The following LEPR variants were observed in gnomAD, a reference collection of about 807,000 sequenced individuals.
LEPR encodes OB receptor.
In LEPR, 56 loss-of-function variants were observed where a neutral mutation model predicts 114.7. The ratio of observed to expected loss-of-function variants is 0.49; its 90% CI spans 0.39 to 0.61. The LOEUF (loss-of-function observed/expected upper bound fraction) is 0.61, where lower values mean the gene tolerates loss of function less well. Among genes scored for constraint, LEPR ranks in the 20% least tolerant of loss-of-function variants. The pLI is 0.00. For missense variants in LEPR, 1,202 were observed against 1,352.9 expected (o/e 0.89, Z 1.75); for synonymous variants, 443 against 461.4 (o/e 0.96, Z 0.51).
At chr1:65,489,201 C>T (rs1570548365) in intron 2 of LEPR, among the ~76,000 whole-genome samples, 3 of 152,258 alleles carry the variant, frequency 2.0e-5, no homozygotes, top group East Asian at 3.9e-4. Flanking sequence ...TATTGTTTGC[C>T]ATAGTGGCTG....
At chr1:65,424,639 A>G (rs1255716005) in intron 1 of LEPR, among the ~76,000 whole-genome samples, 4 of 152,246 alleles carry the variant, frequency 2.6e-5, no homozygotes, top group Admixed American at 2.0e-4. Context: ...AACAACAAAC[A>G]TTTAGTTTCC....
At chr1:65,449,260 C>CTTTTTTTT (rs201429452) in intron 2 of LEPR, among the ~76,000 whole-genome samples, 2 of 118,530 alleles carry the variant, frequency 1.7e-5, no homozygotes, top group African/African-American at 6.3e-5. Flanking sequence ...TTTTATTTAT[C>CTTTTTTTT]TTTTTTTTTT....
intron 5 of LEPR, chr1:65,576,937 A>G: frequency 2.8e-6 from 1 of 354,308 alleles, no homozygotes; most frequent in Non-Finnish European, 5.6e-6. Flanking sequence ...TCCTGGAAAT[A>G]CTGTCTGTTC....
At chr1:65,427,367 A>C (rs1481787762) in intron 2 of LEPR, among the ~76,000 whole-genome samples, 1 of 152,118 alleles carries the variant, frequency 6.6e-6, no homozygotes, top group Non-Finnish European at 1.5e-5. Flanking sequence ...TGAAGCCAGG[A>C]GTTTGAGACC....
chr1:65,558,422 TACTTATCATGTGGTGCCAATTCTC>T (rs1652981709), intron 2 of LEPR, among the ~76,000 whole-genome samples: 1 of 150,648 alleles, frequency 6.6e-6, no homozygotes, highest in Non-Finnish European at 1.5e-5. Flanking sequence ...TTTTTCCATT[TACTTATCATGTGGTGCCAATTCTC>T]ACTTATCATA....
chr1:65,426,085 A>G (rs776344442), intron 2 of LEPR, among the ~76,000 whole-genome samples: 4 of 152,182 alleles, frequency 2.6e-5, no homozygotes, highest in Admixed American at 1.3e-4. Flanking sequence ...GATGAAGAGC[A>G]CAGAAGCTGG....
intron 2 of LEPR, among the ~76,000 whole-genome samples, chr1:65,503,344 G>A (rs760004703): frequency 2.0e-5 from 3 of 152,132 alleles, no homozygotes; most frequent in Admixed American, 6.6e-5. Context: ...GGGTCACAGG[G>A]TGGAATATAG....
At chr1:65,463,004 A>G (rs954167368) in intron 2 of LEPR, among the ~76,000 whole-genome samples, 5 of 152,102 alleles carry the variant, frequency 3.3e-5, no homozygotes, top group South Asian at 2.1e-4. Flanking sequence ...GTTTAATTAG[A>G]TACCATTTGT....
chr1:65,433,989 G>C (rs923327685), intron 2 of LEPR: 8 of 985,204 alleles, frequency 8.1e-6, no homozygotes, highest in Non-Finnish European at 9.6e-6. Flanking sequence ...TTCTTTCTAA[G>C]ATGGCAATAA....
chr1:65,519,712 AG>A (rs1336068685), intron 2 of LEPR, among the ~76,000 whole-genome samples: 2 of 152,020 alleles, frequency 1.3e-5, no homozygotes, highest in African/African-American at 4.8e-5. Flanking sequence ...TCTGTCGCCC[AG>A]GCTAGAAGTA....
chr1:65,462,055 G>T (rs751239009), intron 2 of LEPR, among the ~76,000 whole-genome samples: 2 of 152,074 alleles, frequency 1.3e-5, no homozygotes, highest in Non-Finnish European at 2.9e-5. Context: ...GGTTTGTTAC[G>T]TAGGTATACA....
At position 65,637,089 on chromosome 1, in the gene LEPR, G is replaced by C; in HGVS notation, c.*74G>C. ...TGTAATAGATTATAGTTGTGGGTGG[G>C]AGAGAGAAAAGAAACCAGAGTCAAA... On this transcript the variant is annotated 3_prime_UTR_variant, in exon 20 of 20. Transcript: ENST00000349533. 6.8e-7 allele frequency: 1 copy of C among 1,477,134 alleles called. No individual in the cohort carries two copies. The allele number at this position is 1,477,134 out of a possible 1,614,324, so 91.5% of individuals were successfully genotyped here. A position where few individuals can be genotyped will look rare whatever the true frequency, so the allele number is the denominator to read the frequency against.
chr1:65,488,644 A>T (rs929156680), intron 2 of LEPR, among the ~76,000 whole-genome samples: 1 of 151,962 alleles, frequency 6.6e-6, no homozygotes, highest in African/African-American at 2.4e-5. Context: ...ATTAAAAAAT[A>T]TACAATTAAT....
chr1:65,438,395 C>G (rs564999300), intron 2 of LEPR, among the ~76,000 whole-genome samples: 2 of 151,780 alleles, frequency 1.3e-5, no homozygotes, highest in South Asian at 2.1e-4. Context: ...ACTAAAAATA[C>G]AACAGTTAGC....
chr1:65,579,683 C>A lies in LEPR; in HGVS notation c.494+7234C>A, dbSNP rs531009072. 1.4e-4 allele frequency among the ~76,000 whole-genome samples: 21 copies of A among 152,266 alleles called. No homozygotes were observed. In the South Asian group the frequency reaches 4.1e-3, roughly 30 times the overall value. On this transcript the variant is annotated intron_variant, in intron 5 of 19. Coordinates refer to ENST00000349533, the MANE Select transcript of LEPR (RefSeq NM_002303.6). Reference sequence around the variant, plus strand: ...GTGCCTACTCTAGACAATTTCTGATCTTATCAGCAGGTTAAGGCAAAATGC... The same window carrying A: ...GTGCCTACTCTAGACAATTTCTGATATTATCAGCAGGTTAAGGCAAAATGC...
At chr1:65,588,285 C>T (rs1197175336) in intron 5 of LEPR, among the ~76,000 whole-genome samples, 1 of 150,986 alleles carries the variant, frequency 6.6e-6, no homozygotes, top group Non-Finnish European at 1.5e-5. Context: ...ATTTGGTAAC[C>T]CTACCCAGCT....
At chr1:65,442,867 G>A (rs145295328) in intron 2 of LEPR, among the ~76,000 whole-genome samples, 1,713 of 152,206 alleles carry the variant, frequency 0.011, 10 homozygotes, top group Non-Finnish European at 0.017. Flanking sequence ...ATTATGGAGG[G>A]TTACTATACA....
intron 2 of LEPR, among the ~76,000 whole-genome samples, chr1:65,460,171 C>T (rs537992679): frequency 2.0e-5 from 3 of 151,938 alleles, no homozygotes; most frequent in African/African-American, 7.2e-5. Context: ...GTAGTAAGTG[C>T]TCATAAAAAA....
rs1658792092 is a variant in LEPR, at chr1:65,638,767, C to T, written c.*1752C>T. 6.6e-6 allele frequency: 1 copy of T among 152,034 alleles called. No individual in the cohort carries two copies. Among genetic ancestry groups the T allele is most frequent in the South Asian group, 2.1e-4 (1 of 4,814 alleles). 9.4% of individuals were successfully genotyped at this position (152,034 alleles called of 1,614,324 possible). ...GGATCTCACATACTCAACTAATGAC[C>T]CCCTTACAAGAAATAGGTAAAGGGC... On this transcript the variant is annotated 3_prime_UTR_variant, in exon 20 of 20. Transcript: ENST00000349533.
Sources: allele counts gnomAD v4.1 joint callset (sites outside exome capture counted in the v4.1 genomes callset), GRCh38; gene constraint gnomAD v4.1.1; transcripts MANE v1.5; gene names NCBI Gene and HGNC (gene_info 2026-07-23, HGNC 2026-07-21).